The following EFCAB6 variants were observed in gnomAD, a reference collection of about 807,000 sequenced individuals.
EFCAB6 encodes the protein EF-hand calcium-binding domain-containing protein 6.
In EFCAB6, 156 loss-of-function variants were observed where a neutral mutation model predicts 169.8. The observed-to-expected ratio is 0.92, with a 90% confidence interval of 0.81 to 1.05. The LOEUF (loss-of-function observed/expected upper bound fraction) is 1.05, where lower values mean the gene tolerates loss of function less well. Among genes scored for constraint, EFCAB6 ranks in the 50% least tolerant of loss-of-function variants. The probability of loss-of-function intolerance (pLI) is 0.00; values close to 1 mark genes in which losing one functional copy is unlikely to be tolerated. For missense variants in EFCAB6, 1,800 were observed against 1,829.1 expected, an observed-to-expected ratio of 0.98 and a Z score of 0.29; for synonymous variants, 698 against 676.4, an observed-to-expected ratio of 1.03 and a Z score of -0.50.
At chr22:43,566,230 G>A (rs1330751997) in intron 26 of EFCAB6, among the ~76,000 whole-genome samples, 3 of 152,210 alleles carry the variant, frequency 2.0e-5, no homozygotes, top group Non-Finnish European at 2.9e-5. Context: ...GTTTGCACAA[G>A]TGAGGCAGTT....
chr22:43,784,631 ATGTATATG>A (rs2061988814), intron 2 of EFCAB6, among the ~76,000 whole-genome samples: 1 of 42,376 alleles, frequency 2.4e-5, no homozygotes, highest in African/African-American at 8.4e-5. Flanking sequence ...ACACATATAT[ATGTATATG>A]TACACATATA....
At chr22:43,755,631 T>A in intron 6 of EFCAB6, 135 bp downstream of exon 6, 2 of 776,966 alleles carry the variant, frequency 2.6e-6, no homozygotes, top group Non-Finnish European at 2.0e-6. Context: ...TCAGAAGATC[T>A]ATTTAGTCAG....
In EFCAB6 at chr22:43,731,815, A is replaced by C. The variant is rs762049200; in HGVS notation, c.645-4T>G. The C allele has an allele frequency of 4.5e-6, 7 of 1,547,506 alleles. No homozygotes were observed. The highest frequency in any genetic ancestry group is 4.4e-6 in the Non-Finnish European group (5 of 1,148,096). ...GATGTTGTAGTGTTTCGAAAACCTA[A>C]AATACAAATGTTCTTTAGTAATGAG... On this transcript the variant is annotated splice_polypyrimidine_tract_variant and splice_region_variant and intron_variant, in intron 7 of 31. Coordinates refer to ENST00000262726, the MANE Select transcript of EFCAB6 (RefSeq NM_022785.4).
chr22:43,781,237 CCTATGTCCACATAAAAACCAGTACA>C (rs2061812927), intron 3 of EFCAB6, among the ~76,000 whole-genome samples: 1 of 152,210 alleles, frequency 6.6e-6, no homozygotes, highest in Non-Finnish European at 1.5e-5. Flanking sequence ...GAGTTGAAAA[CCTATGTCCACATAAAAACCAGTACA>C]CGAATGCTTA....
intron 10 of EFCAB6, 31 bp from the exon 11 acceptor site, chr22:43,687,612 AC>A (rs760526535): frequency 1.4e-6 from 2 of 1,389,322 alleles, no homozygotes; most frequent in East Asian, 4.6e-5. Context: ...AAAAAACATT[AC>A]TTTAAACATT....
At chr22:43,683,638 T>C (rs950596957) in intron 12 of EFCAB6, 109 bp downstream of exon 12, 10 of 830,354 alleles carry the variant, frequency 1.2e-5, no homozygotes, top group Admixed American at 3.9e-5. Flanking sequence ...AAGAAGTGTT[T>C]GTTGGATGGA....
In EFCAB6 at chr22:43,604,018, C is replaced by T. The variant is rs546030099; in HGVS notation, c.2682-3755G>A. Among the ~76,000 whole-genome samples, 5 of 152,260 alleles carry T rather than the reference C, an allele frequency of 3.3e-5. No individual in the cohort carries two copies. The South Asian group carries it at 8.3e-4, about 25-fold the overall frequency. The stretch of plus-strand genomic sequence containing the variant: ...AGGTTTGAAAGTGTGTGGCACCCCC[C>T]ACCACCTTCATCCTGCTCTGGCCAC... On this transcript the variant is annotated intron_variant, in intron 22 of 31. Transcript: ENST00000262726.
chr22:43,677,613 T>C (rs891888637), intron 13 of EFCAB6, among the ~76,000 whole-genome samples: 1 of 152,040 alleles, frequency 6.6e-6, no homozygotes, highest in African/African-American at 2.4e-5. Context: ...GCCACTGCAC[T>C]CCAGCCTGGG....
intron 27 of EFCAB6, 162 bp from the exon 28 acceptor site, chr22:43,540,519 G>A (rs990050063): frequency 2.1e-5 from 32 of 1,531,478 alleles, no homozygotes; most frequent in African/African-American, 8.2e-5. Context: ...TTTGGCCTTC[G>A]CTCGGCGGAG....
At chr22:43,607,386 T>C (rs1356705121) in intron 22 of EFCAB6, among the ~76,000 whole-genome samples, 2 of 152,202 alleles carry the variant, frequency 1.3e-5, no homozygotes, top group African/African-American at 4.8e-5. Context: ...ATGCATTCTG[T>C]GCCCTGACAG....
intron 23 of EFCAB6, among the ~76,000 whole-genome samples, chr22:43,592,139 T>C (rs1164874799): frequency 6.6e-6 from 1 of 152,158 alleles, no homozygotes; most frequent in Non-Finnish European, 1.5e-5. Context: ...GTCAGGACTC[T>C]GGGAGAGGTG....
chr22:43,758,116 C>T (rs1405126738), intron 5 of EFCAB6, among the ~76,000 whole-genome samples: 3 of 110,352 alleles, frequency 2.7e-5, no homozygotes, highest in East Asian at 2.0e-4. Flanking sequence ...TTTTCTATTA[C>T]ATAATTTTTC....
intron 24 of EFCAB6, among the ~76,000 whole-genome samples, chr22:43,586,218 G>A (rs2051053347): frequency 6.6e-6 from 1 of 152,000 alleles, no homozygotes; most frequent in South Asian, 2.1e-4. Flanking sequence ...AGGTACAGAA[G>A]GGAGAAATTG....
rs1397082072 is a variant in EFCAB6 at position 43,795,541 on chromosome 22, G to GA, written c.-7-13217dup. On this transcript the variant is annotated intron_variant, in intron 2 of 31. Transcript: ENST00000262726. The surrounding 1 kb of genome is among the most constrained non-coding windows in gnomAD (Gnocchi z 4.2). ...GATTCCTCTGCCTTGAGACCTCCTG[G>GA]AACATCACTTTCTGGAGAGGCTTCT... Among the ~76,000 whole-genome samples the GA allele has an allele frequency of 1.3e-5, 2 of 151,444 alleles. No individual in the cohort carries two copies. Among genetic ancestry groups the GA allele is most frequent in the Non-Finnish European group, 2.9e-5 (2 of 67,950 alleles).
rs1196599801 is a variant in EFCAB6 at position 43,772,842 on chromosome 22, C to A, written c.351+50G>T. The A allele has an allele frequency of 4.4e-6, 7 of 1,602,302 alleles. No homozygotes were observed. In the Admixed American group the frequency reaches 1.2e-4, roughly 27 times the overall value. ...GAGGTTACCTGCTCCCCTGATCTAC[C>A]TCAGCTTGTCTGGAATTGAGGGATT... On this transcript the variant is annotated intron_variant, in intron 4 of 31. Coordinates refer to ENST00000262726, the MANE Select transcript of EFCAB6 (RefSeq NM_022785.4).
intron 3 of EFCAB6, among the ~76,000 whole-genome samples, chr22:43,777,497 C>T (rs998629442): frequency 2.0e-5 from 3 of 152,198 alleles, no homozygotes; most frequent in African/African-American, 4.8e-5. Context: ...AGGAAGCACT[C>T]GGGCTTCCCT....
chr22:43,581,974 C>T (rs1247662897), intron 24 of EFCAB6, among the ~76,000 whole-genome samples: 1 of 152,164 alleles, frequency 6.6e-6, no homozygotes, highest in Admixed American at 6.5e-5. Flanking sequence ...GAATAATCTA[C>T]ATATAATTAC....
At chr22:43,718,311 AGATT>A (rs1226156865) in intron 8 of EFCAB6, among the ~76,000 whole-genome samples, 1 of 152,250 alleles carries the variant, frequency 6.6e-6, no homozygotes, top group Non-Finnish European at 1.5e-5. Context: ...ATGGTTTCCC[AGATT>A]TATTTCCTAA....
intron 6 of EFCAB6, among the ~76,000 whole-genome samples, chr22:43,751,617 A>G (rs76001368): frequency 0.12 from 17,934 of 152,214 alleles, 1,141 homozygotes; most frequent in Middle Eastern, 0.18. Context: ...CACCAGAGAG[A>G]AAAGGGAAGA....
Sources: allele counts gnomAD v4.1 joint callset (sites outside exome capture counted in the v4.1 genomes callset), GRCh38; gene constraint gnomAD v4.1.1; non-coding constraint Gnocchi (gnomAD v3.1); transcripts MANE v1.5; gene names NCBI Gene and HGNC (gene_info 2026-07-23, HGNC 2026-07-21).